RBFOX1: variants seen among roughly 807,000 people sequenced by gnomAD.
RBFOX1 encodes the protein RNA binding fox-1 homolog 1, also known as RNA binding protein fox-1 homolog 1.
A neutral mutation model predicts 57.7 loss-of-function variants in RBFOX1; 8 were observed. The observed-to-expected ratio is 0.14, with a 90% CI of 0.08 to 0.25. The LOEUF (loss-of-function observed/expected upper bound fraction) is 0.25. Ranked by LOEUF, RBFOX1 falls within the 10% of genes least tolerant of loss-of-function variation. RBFOX1 has a pLI of 1.00. For missense variants in RBFOX1, 611 were observed against 548.5 expected (o/e 1.11, Z -1.14); for synonymous variants, 326 against 222.4 (o/e 1.47, Z -4.15).
In RBFOX1 at chr16:7,169,707, G is replaced by T. The variant is rs553768878; in HGVS notation, c.27+117609G>T. Among the ~76,000 whole-genome samples, 8 of 152,288 alleles carry T rather than the reference G, an allele frequency of 5.3e-5. No individual in the cohort carries two copies. The South Asian group carries it at 1.7e-3, about 32-fold the overall frequency. On this transcript the variant is annotated intron_variant, in intron 4 of 15. Transcript: ENST00000550418. ...ACTACACCAATGTCAAGACTATTTTGTTGCATATGATGATACAGAGCATTA... is the reference window on the plus strand; with the variant it reads ...ACTACACCAATGTCAAGACTATTTTTTTGCATATGATGATACAGAGCATTA...
At chr16:6,266,288 A>T (rs142825235) in intron 1 of RBFOX1, among the ~76,000 whole-genome samples, 35 of 152,308 alleles carry the variant, frequency 2.3e-4, no homozygotes, top group African/African-American at 7.9e-4. Context: ...CAAGCTACCA[A>T]AAGTCTGAGG....
At chr16:5,266,047 A>G (rs2062849656) in intron 1 of RBFOX1, among the ~76,000 whole-genome samples, 1 of 151,882 alleles carries the variant, frequency 6.6e-6, no homozygotes, top group African/African-American at 2.4e-5. Context: ...GGCTGATTAA[A>G]AAAAAAACTC....
intron 4 of RBFOX1, among the ~76,000 whole-genome samples, chr16:7,141,033 C>G (rs78830136): frequency 6.6e-6 from 1 of 152,098 alleles, no homozygotes. Context: ...TTGCAGAGCT[C>G]TGCCAGGAAG....
At chr16:6,860,520 A>T (rs921472218) in intron 3 of RBFOX1, among the ~76,000 whole-genome samples, 1 of 152,196 alleles carries the variant, frequency 6.6e-6, no homozygotes, top group African/African-American at 2.4e-5. Context: ...ACATCATGGG[A>T]CATTCAAGAT....
At chr16:5,516,020 C>T (rs930644525) in intron 2 of RBFOX1, among the ~76,000 whole-genome samples, 41 of 152,262 alleles carry the variant, frequency 2.7e-4, no homozygotes, top group African/African-American at 9.6e-4. Context: ...CACAATATTG[C>T]CTCCCTCTCA....
chr16:5,895,807 A>G (rs997243217), intron 4 of RBFOX1, among the ~76,000 whole-genome samples: 5 of 152,170 alleles, frequency 3.3e-5, no homozygotes, highest in African/African-American at 9.7e-5. Context: ...AATACCTTAT[A>G]CTGTTGCTGT....
At chr16:7,020,697 A>C (rs575483487) in intron 3 of RBFOX1, among the ~76,000 whole-genome samples, 1 of 152,184 alleles carries the variant, frequency 6.6e-6, no homozygotes, top group Admixed American at 6.5e-5. Flanking sequence ...ATCACACTGC[A>C]GAGGGAAGAG....
intron 3 of RBFOX1, among the ~76,000 whole-genome samples, chr16:6,663,879 C>T (rs1230894132): frequency 1.3e-5 from 2 of 152,190 alleles, no homozygotes; most frequent in African/African-American, 2.4e-5. Context: ...GACTAAGGAA[C>T]TGAATACACG....
At chr16:6,192,893 T>C (rs375022386) in intron 1 of RBFOX1, among the ~76,000 whole-genome samples, 8 of 152,230 alleles carry the variant, frequency 5.3e-5, no homozygotes, top group African/African-American at 1.9e-4. Flanking sequence ...AAAGCTAATA[T>C]TTCATAACAG....
At chr16:7,310,804 T>A (rs950431447) in intron 4 of RBFOX1, among the ~76,000 whole-genome samples, 5 of 152,214 alleles carry the variant, frequency 3.3e-5, no homozygotes, top group Admixed American at 2.6e-4. Flanking sequence ...TCCATGTTGA[T>A]GGAACTCCTG....
At chr16:5,778,474 T>C (rs2054218838) in intron 3 of RBFOX1, among the ~76,000 whole-genome samples, 1 of 152,142 alleles carries the variant, frequency 6.6e-6, no homozygotes, top group Admixed American at 6.5e-5. Flanking sequence ...AAGCAGTCAC[T>C]TCCTCCTGTG....
At chr16:5,853,074 A>G (rs2056936972) in intron 3 of RBFOX1, among the ~76,000 whole-genome samples, 1 of 152,142 alleles carries the variant, frequency 6.6e-6, no homozygotes, top group African/African-American at 2.4e-5. Context: ...TAGCCCTAGG[A>G]AAAGAGACTA....
chr16:5,827,965 G>A, intron 3 of RBFOX1, among the ~76,000 whole-genome samples: 1 of 83,254 alleles, frequency 1.2e-5, no homozygotes, highest in East Asian at 4.2e-4. Flanking sequence ...ACCTATCCAT[G>A]CATCCATCCA....
chr16:6,157,916 C>G (rs539268731), intron 1 of RBFOX1, among the ~76,000 whole-genome samples: 1 of 152,058 alleles, frequency 6.6e-6, no homozygotes, highest in Non-Finnish European at 1.5e-5. Flanking sequence ...AAGATTAGAT[C>G]CTATTGGATG....
chr16:6,636,666 G>C (rs539109970), intron 2 of RBFOX1, among the ~76,000 whole-genome samples: 2 of 149,754 alleles, frequency 1.3e-5, no homozygotes, highest in African/African-American at 4.9e-5. Context: ...CCTCAACCGA[G>C]CTACATCACA....
chr16:7,441,383 G>A (rs569894502), intron 4 of RBFOX1, among the ~76,000 whole-genome samples: 1 of 152,310 alleles, frequency 6.6e-6, no homozygotes, highest in African/African-American at 2.4e-5. Flanking sequence ...CAAAGGATTA[G>A]AGGTAGAGTT....
At chr16:7,106,381 A>G (rs767978) in intron 4 of RBFOX1, among the ~76,000 whole-genome samples, 43,582 of 152,056 alleles carry the variant, frequency 0.29, 6,406 homozygotes, top group East Asian at 0.48. Context: ...AGTCAGATTG[A>G]AAAATATTTT....
chr16:6,797,461 A>G (rs1409199948), intron 3 of RBFOX1, among the ~76,000 whole-genome samples: 1 of 152,136 alleles, frequency 6.6e-6, no homozygotes, highest in Non-Finnish European at 1.5e-5. Flanking sequence ...AAAACAGTTA[A>G]ACACATATAT....
intron 3 of RBFOX1, among the ~76,000 whole-genome samples, chr16:6,980,768 T>C (rs9933665): frequency 0.04 from 6,062 of 152,112 alleles, 405 homozygotes; most frequent in African/African-American, 0.14. Context: ...ATGGAGCAGG[T>C]ACAGTAGCTC....
Sources: allele counts gnomAD v4.1 joint callset (sites outside exome capture counted in the v4.1 genomes callset), GRCh38; gene constraint gnomAD v4.1.1; transcripts MANE v1.5; gene names NCBI Gene and HGNC (gene_info 2026-07-23, HGNC 2026-07-21).